Variants in DOCK1 observed in about 807,000 individuals in gnomAD.
DOCK1 encodes the protein dedicator of cytokinesis 1.
In DOCK1, 138 loss-of-function variants were observed where a neutral mutation model predicts 262.7. That is an observed-to-expected ratio of 0.53 (90% CI 0.46 to 0.61). DOCK1 has a LOEUF of 0.61. Among genes scored for constraint, DOCK1 ranks in the 20% least tolerant of loss-of-function variants. The pLI is 0.00. For missense variants in DOCK1, 1,908 were observed against 2,370.7 expected, an observed-to-expected ratio of 0.80 and a Z score of 4.05; for synonymous variants, 866 against 867.4, an observed-to-expected ratio of 1.00 and a Z score of 0.03.
intron 48 of DOCK1, 77 bp from the exon 49 acceptor site, chr10:127,438,950 T>C (rs1264490749): frequency 7.2e-7 from 1 of 1,389,324 alleles, no homozygotes; most frequent in Non-Finnish European, 9.7e-7. Flanking sequence ...TTCGATGGAT[T>C]GTGAGTGACT....
intron 29 of DOCK1, among the ~76,000 whole-genome samples, chr10:127,321,078 C>G (rs1467800873): frequency 6.6e-5 from 10 of 152,140 alleles, no homozygotes; most frequent in Non-Finnish European, 1.2e-4. Context: ...ACCGCCCTCC[C>G]CAGTCTCAGA....
At chr10:127,269,567 T>C (rs2060487966) in intron 29 of DOCK1, among the ~76,000 whole-genome samples, 2 of 152,240 alleles carry the variant, frequency 1.3e-5, no homozygotes, top group Admixed American at 6.5e-5. Context: ...TTATGTGACA[T>C]GGCTGACACT....
At chr10:127,317,536 C>T (rs993051456) in intron 29 of DOCK1, among the ~76,000 whole-genome samples, 8 of 152,132 alleles carry the variant, frequency 5.3e-5, no homozygotes, top group Non-Finnish European at 7.3e-5. Context: ...GAACTCACAG[C>T]GAGGTGGAGA....
intron 1 of DOCK1, among the ~76,000 whole-genome samples, chr10:126,925,384 T>G (rs1247428076): frequency 6.6e-6 from 1 of 152,192 alleles, no homozygotes; most frequent in Non-Finnish European, 1.5e-5. Context: ...GTGAACATTT[T>G]TGTTTTGTTT....
rs1331672769 is a variant in DOCK1 at position 127,175,948 on chromosome 10, T to C, written c.2847+48184T>C. The stretch of plus-strand genomic sequence containing the variant: ...TCCTCCATGGGTCCAGCCTCGTTCT[T>C]CTCTTTCGCATCTGTTAGAAACCCA... On this transcript the variant is annotated intron_variant, in intron 27 of 51. Coordinates refer to ENST00000623213, the MANE Select transcript of DOCK1 (RefSeq NM_001290223.2). The surrounding 1 kb of genome is among the most constrained non-coding windows in gnomAD (Gnocchi z 6.3). 1 of 1,614,196 alleles carries C rather than the reference T, an allele frequency of 6.2e-7. No individual in the cohort carries two copies. Among genetic ancestry groups the C allele is most frequent in the African/African-American group, 1.3e-5 (1 of 75,056 alleles).
At chr10:127,429,708 G>T (rs532679436) in intron 47 of DOCK1, among the ~76,000 whole-genome samples, 10 of 152,300 alleles carry the variant, frequency 6.6e-5, no homozygotes, top group Admixed American at 4.6e-4. Context: ...TGGGAGCTCT[G>T]CAGCCCAGCT....
chr10:126,985,565 G>A (rs1377962687), intron 4 of DOCK1, among the ~76,000 whole-genome samples: 3 of 152,080 alleles, frequency 2.0e-5, no homozygotes, highest in South Asian at 2.1e-4. Flanking sequence ...GTGGAAGGGA[G>A]GTCGTTGAGC....
intron 27 of DOCK1, among the ~76,000 whole-genome samples, chr10:127,166,207 A>G (rs1247346414): frequency 6.6e-6 from 1 of 152,166 alleles, no homozygotes; most frequent in East Asian, 1.9e-4. Context: ...CTGGGACTAC[A>G]GGTGCCTGCC....
chr10:127,187,851 T>C (rs2056425818), intron 27 of DOCK1, among the ~76,000 whole-genome samples: 1 of 152,214 alleles, frequency 6.6e-6, no homozygotes, highest in Admixed American at 6.5e-5. Context: ...TCAGAACTTC[T>C]GGAGGATGGA....
rs2061626908 is a variant in DOCK1, at chr10:127,299,936, A to G, written c.3045-39070A>G. 4.6e-5 allele frequency among the ~76,000 whole-genome samples: 7 copies of G among 152,326 alleles called. No homozygotes were observed. The South Asian group carries it at 1.2e-3, about 27-fold the overall frequency. Reference sequence around the variant, plus strand: ...TTGAAAAAAAGAAAAGTATTCCTGCAAAGTTCCTTATCTCAGGCTCCATGG... The same window carrying G: ...TTGAAAAAAAGAAAAGTATTCCTGCGAAGTTCCTTATCTCAGGCTCCATGG... On this transcript the variant is annotated intron_variant, in intron 29 of 51. Coordinates refer to ENST00000623213, the MANE Select transcript of DOCK1 (RefSeq NM_001290223.2).
intron 27 of DOCK1, among the ~76,000 whole-genome samples, chr10:127,235,953 T>G (rs1290522164): frequency 6.6e-6 from 1 of 152,130 alleles, no homozygotes; most frequent in African/African-American, 2.4e-5. Flanking sequence ...TTTTTGCCAA[T>G]TTTTGGTGGG....
At chr10:127,141,128 C>T (rs2051200785) in intron 27 of DOCK1, among the ~76,000 whole-genome samples, 1 of 152,232 alleles carries the variant, frequency 6.6e-6, no homozygotes, top group African/African-American at 2.4e-5. Context: ...CCTTGGCCCA[C>T]TGTTTCTCAG....
chr10:127,215,624 T>C (rs1226826468), intron 27 of DOCK1, among the ~76,000 whole-genome samples: 1 of 152,178 alleles, frequency 6.6e-6, no homozygotes, highest in Non-Finnish European at 1.5e-5. Flanking sequence ...GATAATGCTT[T>C]TTGACTGATG....
intron 29 of DOCK1, among the ~76,000 whole-genome samples, chr10:127,305,870 C>G (rs1295002665): frequency 6.6e-6 from 1 of 152,234 alleles, no homozygotes; most frequent in African/African-American, 2.4e-5. Context: ...CCAGCGACCC[C>G]TGCTCCTCCA....
At chr10:127,017,110 CAT>C (rs1294328579) in intron 12 of DOCK1, among the ~76,000 whole-genome samples, 1 of 146,940 alleles carries the variant, frequency 6.8e-6, no homozygotes, top group Non-Finnish European at 1.5e-5. Context: ...CACACCAACA[CAT>C]GATACACCAT....
At position 126,918,902 on chromosome 10, in the gene DOCK1, A is replaced by AGGATTTGGAGGAGGAGAAAGTCAAGGTG. The variant is rs1473192262; in HGVS notation, c.46+13339_46+13340insGGATTTGGAGGAGGAGAAAGTCAAGGTG. Among the ~76,000 whole-genome samples, 2 of 104,550 alleles carry AGGATTTGGAGGAGGAGAAAGTCAAGGTG rather than the reference A, an allele frequency of 1.9e-5. 1 individual carries two copies. The highest frequency in any genetic ancestry group is 6.4e-5 in the African/African-American group (2 of 31,230). 68.6% of individuals were successfully genotyped at this position (104,550 alleles called of 152,430 possible). On this transcript the variant is annotated intron_variant, in intron 1 of 51. Transcript: ENST00000623213. ...GTGCAGGTGGGCACGGAGGATTCGG[A>AGGATTTGGAGGAGGAGAAAGTCAAGGTG]CAGGTGGGCACGGAGGATTTGGAGG...
intron 23 of DOCK1, among the ~76,000 whole-genome samples, chr10:127,082,203 T>C (rs2046942734): frequency 6.6e-6 from 1 of 152,198 alleles, no homozygotes; most frequent in Non-Finnish European, 1.5e-5. Context: ...CGCTTTCCTT[T>C]CTCACAGTCA....
At chr10:127,102,981 G>A (rs1396902933) in intron 23 of DOCK1, among the ~76,000 whole-genome samples, 1 of 152,180 alleles carries the variant, frequency 6.6e-6, no homozygotes, top group Non-Finnish European at 1.5e-5. Flanking sequence ...TTCCCCACCA[G>A]CCACTGACAT....
chr10:127,192,099 T>C (rs960733972), intron 27 of DOCK1, among the ~76,000 whole-genome samples: 1 of 152,228 alleles, frequency 6.6e-6, no homozygotes, highest in Non-Finnish European at 1.5e-5. Flanking sequence ...TTGGATAGAA[T>C]AGTATAATTC....
Sources: gnomAD v4.1 joint callset for allele counts (sites outside exome capture counted in the v4.1 genomes callset) on GRCh38, gnomAD v4.1.1 for gene constraint, Gnocchi (gnomAD v3.1) non-coding constraint, MANE v1.5 for transcripts, NCBI Gene and HGNC (gene_info 2026-07-23, HGNC 2026-07-21) for gene names.